TENM2: variants seen among roughly 807,000 people sequenced by gnomAD.
TENM2 encodes teneurin transmembrane protein 2, also known as teneurin-2.
In TENM2, 52 loss-of-function variants were observed where a neutral mutation model predicts 245.2. The observed-to-expected ratio is 0.21, with a 90% CI of 0.17 to 0.27. The LOEUF is 0.27. TENM2 is among the 10% of genes least tolerant of loss of function. The pLI is 1.00. For synonymous variants in TENM2, 1,363 were observed against 1,438.9 expected, an observed-to-expected ratio of 0.95 and a Z score of 1.19; for missense variants, 3,046 against 3,666.8, an observed-to-expected ratio of 0.83 and a Z score of 4.37.
At chr5:168,261,250 G>T (rs1318590878) in intron 28 of TENM2, among the ~76,000 whole-genome samples, 1 of 152,268 alleles carries the variant, frequency 6.6e-6, no homozygotes, top group South Asian at 2.1e-4. Flanking sequence ...TAATTTGCGA[G>T]TGGAGAACTC....
At chr5:167,233,746 A>G in the TENM2 span, among the ~76,000 whole-genome samples, 74 of 152,328 alleles carry the variant, frequency 4.9e-4, no homozygotes, top group African/African-American at 1.7e-3. Context: ...GTGACTCAAC[A>G]AAAATATCTC....
intron 2 of TENM2, among the ~76,000 whole-genome samples, chr5:167,458,494 C>CAAAAAAAAAAAAAAA (rs70976430): frequency 2.4e-5 from 2 of 82,008 alleles, no homozygotes; most frequent in African/African-American, 4.4e-5. Flanking sequence ...CTCAAAAAAA[C>CAAAAAAAAAAAAAAA]AAAAAAAAAA....
intron 2 of TENM2, among the ~76,000 whole-genome samples, chr5:167,538,821 A>T (rs1001566020): frequency 1.3e-5 from 2 of 152,174 alleles, no homozygotes; most frequent in South Asian, 2.1e-4. Flanking sequence ...AGACTAGTGC[A>T]TGTGCCTAAT....
At chr5:167,383,728 TAAA>T (rs10549785) in intron 2 of TENM2, among the ~76,000 whole-genome samples, 4,031 of 110,370 alleles carry the variant, frequency 0.037, 73 homozygotes, top group Middle Eastern at 0.14. Context: ...TGGTGCAGGA[TAAA>T]AAAAAAAAAA....
intron 2 of TENM2, among the ~76,000 whole-genome samples, chr5:167,542,349 A>G (rs1238487400): frequency 1.3e-5 from 2 of 152,158 alleles, no homozygotes; most frequent in Admixed American, 1.3e-4. Context: ...ATTTATAAAC[A>G]TGGTCTGCCC....
intron 6 of TENM2, 47 bp from the exon 9 acceptor site, chr5:168,062,013 A>G (rs369709712): frequency 3.5e-5 from 53 of 1,518,598 alleles, no homozygotes; most frequent in Non-Finnish European, 4.6e-5. Flanking sequence ...GAGCCAACTA[A>G]TCTATACACG....
intron 12 of TENM2, among the ~76,000 whole-genome samples, chr5:168,133,649 T>A (rs1754784902): frequency 6.6e-6 from 1 of 152,216 alleles, no homozygotes; most frequent in South Asian, 2.1e-4. Flanking sequence ...TGTTGTTTGT[T>A]TGATTGTCTG....
At chr5:167,700,385 C>A (rs181923076) in intron 2 of TENM2, among the ~76,000 whole-genome samples, 1 of 152,308 alleles carries the variant, frequency 6.6e-6, no homozygotes, top group Non-Finnish European at 1.5e-5. Flanking sequence ...TCCCCACAAC[C>A]CTTGGGCAGG....
the TENM2 span, among the ~76,000 whole-genome samples, chr5:167,197,441 A>T: frequency 6.6e-6 from 1 of 152,084 alleles, no homozygotes; most frequent in African/African-American, 2.4e-5. Flanking sequence ...GGAGGGGGTC[A>T]GTCTTTGGAG....
chr5:167,401,603 C>T lies in TENM2; in HGVS notation c.502+26130C>T, dbSNP rs544721378. Among the ~76,000 whole-genome samples the T allele has an allele frequency of 1.1e-4, 16 of 152,262 alleles. No homozygotes were observed. In the East Asian group the frequency reaches 3.1e-3, roughly 29 times the overall value. On this transcript the variant is annotated intron_variant, in intron 2 of 28. Coordinates refer to ENST00000518659, the Ensembl canonical transcript of TENM2. ...AAACCGTGAATTTTAATCAAAGCCA[C>T]TGCCCTCTTTGAGGGAGTTACTCAG...
At chr5:167,330,801 G>A (rs946444219) in intron 1 of TENM2, among the ~76,000 whole-genome samples, 9 of 152,070 alleles carry the variant, frequency 5.9e-5, no homozygotes, top group South Asian at 2.1e-4. Flanking sequence ...CTCACTTAAC[G>A]TTCTTATGTT....
the TENM2 span, among the ~76,000 whole-genome samples, chr5:166,985,058 C>G: frequency 6.6e-6 from 1 of 151,876 alleles, no homozygotes; most frequent in South Asian, 2.1e-4. Flanking sequence ...AGGGGTGGTT[C>G]CTTTTTGAAA....
At chr5:167,361,349 A>G (rs981150137) in intron 1 of TENM2, among the ~76,000 whole-genome samples, 8 of 152,190 alleles carry the variant, frequency 5.3e-5, no homozygotes, top group African/African-American at 1.7e-4. Context: ...ATCTCCAGAA[A>G]TAATTGCGAT....
chr5:167,645,582 G>GT (rs1310416313), intron 2 of TENM2, among the ~76,000 whole-genome samples: 68 of 145,462 alleles, frequency 4.7e-4, no homozygotes, highest in African/African-American at 1.7e-3. Context: ...GTTCTTTCTA[G>GT]TTTTTCCTTT....
At chr5:167,801,148 A>G (rs1314568223) in intron 2 of TENM2, among the ~76,000 whole-genome samples, 6 of 92,738 alleles carry the variant, frequency 6.5e-5, no homozygotes, top group South Asian at 3.2e-4. Context: ...ATATATATAT[A>G]TATATGTATA....
intron 2 of TENM2, among the ~76,000 whole-genome samples, chr5:167,755,524 A>T (rs2150673491): frequency 6.6e-6 from 1 of 152,074 alleles, no homozygotes; most frequent in East Asian, 1.9e-4. Flanking sequence ...AACATCTGTT[A>T]AGTCAAGCAT....
At chr5:167,443,745 G>A (rs1049370117) in intron 2 of TENM2, among the ~76,000 whole-genome samples, 2 of 152,076 alleles carry the variant, frequency 1.3e-5, no homozygotes, top group African/African-American at 2.4e-5. Context: ...TTTAAACCAT[G>A]TATTTTGTTT....
chr5:167,732,679 T>C (rs2150562418), intron 2 of TENM2, among the ~76,000 whole-genome samples: 1 of 152,264 alleles, frequency 6.6e-6, no homozygotes, highest in Admixed American at 6.5e-5. Context: ...CTTCACTTTA[T>C]TGTGCACGGA....
chr5:167,516,151 T>G (rs756329088), intron 2 of TENM2, among the ~76,000 whole-genome samples: 1 of 152,122 alleles, frequency 6.6e-6, no homozygotes, highest in Admixed American at 6.5e-5. Flanking sequence ...GACAATCGAA[T>G]ATAATCTATT....
Sources: allele counts gnomAD v4.1 joint callset (sites outside exome capture counted in the v4.1 genomes callset), GRCh38; gene constraint gnomAD v4.1.1; transcripts MANE v1.5; gene names NCBI Gene and HGNC (gene_info 2026-07-23, HGNC 2026-07-21).